The following DAB1 variants were observed in gnomAD, a reference collection of about 807,000 sequenced individuals.
DAB1 encodes DAB adaptor protein 1.
In DAB1, 15 loss-of-function variants were observed where a neutral mutation model predicts 64.6. The observed-to-expected ratio is 0.23, with a 90% CI of 0.16 to 0.36. The LOEUF is 0.36. DAB1 is among the 10% of genes least tolerant of loss of function. DAB1 has a pLI of 1.00. For synonymous variants in DAB1, 235 were observed against 251.9 expected, an observed-to-expected ratio of 0.93 and a Z score of 0.64; for missense variants, 596 against 706.7, an observed-to-expected ratio of 0.84 and a Z score of 1.78.
intron 5 of DAB1, among the ~76,000 whole-genome samples, chr1:57,889,878 A>G (rs1569928534): frequency 9.9e-6 from 1 of 101,080 alleles, no homozygotes; most frequent in East Asian, 3.3e-4. Context: ...TCAGATTCGC[A>G]GATGGTAGCA....
chr1:57,710,619 A>G (rs1246645818), intron 6 of DAB1, among the ~76,000 whole-genome samples: 1 of 151,132 alleles, frequency 6.6e-6, no homozygotes, highest in Non-Finnish European at 1.5e-5. Context: ...TCATGGCTTT[A>G]TTGTCACTAT....
chr1:57,107,571 G>T (rs1238388977), intron 4 of DAB1, among the ~76,000 whole-genome samples: 1 of 151,868 alleles, frequency 6.6e-6, no homozygotes, highest in African/African-American at 2.4e-5. Context: ...CCGTCCTGCA[G>T]GAACAACTGT....
chr1:58,275,588 A>C (rs1425904629), intron 4 of DAB1, among the ~76,000 whole-genome samples: 1 of 152,224 alleles, frequency 6.6e-6, no homozygotes, highest in Non-Finnish European at 1.5e-5. Context: ...AATCATTGGG[A>C]AAATGCAAAT....
At chr1:57,995,011 C>T (rs962600900) in intron 5 of DAB1, among the ~76,000 whole-genome samples, 8 of 152,148 alleles carry the variant, frequency 5.3e-5, no homozygotes, top group Admixed American at 1.3e-4. Flanking sequence ...AGAACACTGA[C>T]GGTTAGGAGA....
Position 56,997,734 on chromosome 1 carries a change from A to T in DAB1, c.*410T>A, listed in dbSNP as rs1225448535. On this transcript the variant is annotated 3_prime_UTR_variant, in exon 15 of 15. Transcript: ENST00000371236. Reference sequence around the variant, plus strand: ...CTGTTGTAATCCTCTGATGCCTGTCACTCCAAATTTGGTGTCTCAACAGTG... The same window carrying T: ...CTGTTGTAATCCTCTGATGCCTGTCTCTCCAAATTTGGTGTCTCAACAGTG... The T allele has an allele frequency of 6.6e-6, 1 of 152,140 alleles. No individual in the cohort carries two copies. The highest frequency in any genetic ancestry group is 1.9e-4 in the East Asian group (1 of 5,190). The allele number at this position is 152,140 out of a possible 1,614,324, so 9.4% of individuals were successfully genotyped here. A position where few individuals can be genotyped will look rare whatever the true frequency, so the allele number is the denominator to read the frequency against.
intron 1 of DAB1, among the ~76,000 whole-genome samples, chr1:57,416,614 A>C (rs1018667960): frequency 3.5e-4 from 53 of 152,296 alleles, no homozygotes; most frequent in African/African-American, 1.2e-3. Context: ...ATTCACTCCC[A>C]AATCTAGATT....
intron 6 of DAB1, among the ~76,000 whole-genome samples, chr1:57,660,103 T>A (rs949901233): frequency 2.0e-5 from 3 of 152,042 alleles, no homozygotes; most frequent in African/African-American, 7.2e-5. Context: ...GAGAATGCAT[T>A]ACAATATTCC....
At chr1:57,815,214 ACCC>A (rs1651800089) in intron 6 of DAB1, among the ~76,000 whole-genome samples, 1 of 151,756 alleles carries the variant, frequency 6.6e-6, no homozygotes, top group Non-Finnish European at 1.5e-5. Context: ...GACTACAGGC[ACCC>A]GCCACCACAC....
intron 6 of DAB1, among the ~76,000 whole-genome samples, chr1:57,721,031 G>A (rs912117552): frequency 1.3e-5 from 2 of 152,172 alleles, no homozygotes; most frequent in Non-Finnish European, 2.9e-5. Context: ...CTTGTCTGCT[G>A]ATATTGATGT....
At chr1:58,371,855 G>A (rs976858741) in intron 3 of DAB1, among the ~76,000 whole-genome samples, 1 of 152,200 alleles carries the variant, frequency 6.6e-6, no homozygotes, top group Non-Finnish European at 1.5e-5. Flanking sequence ...GGGCCTGCAG[G>A]TGGGCAAAAG....
intron 4 of DAB1, among the ~76,000 whole-genome samples, chr1:58,300,649 G>GAGAGA (rs1662143468): frequency 2.0e-5 from 1 of 49,282 alleles, no homozygotes; most frequent in African/African-American, 8.0e-5. Flanking sequence ...AGAGAGAGAG[G>GAGAGA]AAGGAAGGAA....
chr1:57,641,528 C>T (rs996841259), intron 7 of DAB1, among the ~76,000 whole-genome samples: 2 of 151,538 alleles, frequency 1.3e-5, no homozygotes, highest in African/African-American at 2.4e-5. Context: ...GGACTACAGA[C>T]GCCCGCCACT....
intron 4 of DAB1, among the ~76,000 whole-genome samples, chr1:58,284,364 C>T (rs1179037911): frequency 6.6e-6 from 1 of 152,234 alleles, no homozygotes; most frequent in Non-Finnish European, 1.5e-5. Context: ...CTCTGTATCA[C>T]TTGGCTTTGA....
chr1:57,962,694 T>C (rs779136664), intron 5 of DAB1, among the ~76,000 whole-genome samples: 54 of 151,076 alleles, frequency 3.6e-4, no homozygotes, highest in Non-Finnish European at 6.3e-4. Flanking sequence ...TAACATAATC[T>C]CTACAATTTT....
chr1:58,227,138 G>A (rs925489021), intron 4 of DAB1, among the ~76,000 whole-genome samples: 3 of 152,202 alleles, frequency 2.0e-5, no homozygotes, highest in Non-Finnish European at 2.9e-5. Context: ...TCTGGGAAAG[G>A]TTTGTTCTTC....
At chr1:57,343,564 A>G (rs1677829247) in intron 1 of DAB1, among the ~76,000 whole-genome samples, 1 of 152,230 alleles carries the variant, frequency 6.6e-6, no homozygotes, top group South Asian at 2.1e-4. Flanking sequence ...AGGCTCAGGC[A>G]TGGCGGGCTG....
Position 57,291,079 on chromosome 1 carries a change from GCTCATT to G in DAB1, c.-55_-50del. Reference sequence around the variant, plus strand: ...CACACAGATCCCGGGCCTCGGCCAGGCTCATTGAGGACTCTTCTCCAAGAGAAAGAC... The same window carrying G: ...CACACAGATCCCGGGCCTCGGCCAGGGAGGACTCTTCTCCAAGAGAAAGAC... On this transcript the variant is annotated 5_prime_UTR_variant, in exon 2 of 15. The change abolishes an upstream ATG in the 5' untranslated region. Coordinates refer to ENST00000371236, the MANE Select transcript of DAB1 (RefSeq NM_001365792.1). 7.5e-7 allele frequency: 1 copy of G among 1,331,350 alleles called. No individual in the cohort carries two copies. Among genetic ancestry groups the G allele is most frequent in the African/African-American group, 1.5e-5 (1 of 68,244 alleles). The allele number at this position is 1,331,350 out of a possible 1,614,324, so 82.5% of individuals were successfully genotyped here.
At chr1:57,252,168 C>T (rs184742236) in intron 2 of DAB1, among the ~76,000 whole-genome samples, 14 of 152,292 alleles carry the variant, frequency 9.2e-5, no homozygotes, top group Admixed American at 7.9e-4. Context: ...CATTCATTTG[C>T]CCTTCCCTTG....
chr1:57,242,807 C>T (rs890031290), intron 2 of DAB1, among the ~76,000 whole-genome samples: 15 of 152,116 alleles, frequency 9.9e-5, no homozygotes, highest in African/African-American at 3.6e-4. Flanking sequence ...TATAAAAGAG[C>T]CAAAACCCTT....
Sources: allele counts gnomAD v4.1 joint callset (sites outside exome capture counted in the v4.1 genomes callset), GRCh38; gene constraint gnomAD v4.1.1; transcripts MANE v1.5; gene names NCBI Gene and HGNC (gene_info 2026-07-23, HGNC 2026-07-21).